Variants in ATP8B2 observed in about 807,000 individuals in gnomAD.
ATP8B2 encodes phospholipid-transporting ATPase ID.
In ATP8B2, 70 loss-of-function variants were observed where a neutral mutation model predicts 133.4. The observed-to-expected ratio is 0.52, with a 90% confidence interval of 0.43 to 0.64. The LOEUF (loss-of-function observed/expected upper bound fraction) is 0.64, where lower values mean the gene tolerates loss of function less well. Among genes scored for constraint, ATP8B2 ranks in the 30% least tolerant of loss-of-function variants. The pLI, the probability that ATP8B2 is intolerant of heterozygous loss-of-function variation, is 0.00. For missense variants in ATP8B2, 1,101 were observed against 1,535.7 expected, an observed-to-expected ratio of 0.72 and a Z score of 4.73; for synonymous variants, 517 against 589.5, an observed-to-expected ratio of 0.88 and a Z score of 1.78.
Position 154,343,399 on chromosome 1 carries a change from G to A in ATP8B2, c.1643-54G>A. 2 of 1,605,364 alleles carry A rather than the reference G, an allele frequency of 1.2e-6. No homozygotes were observed. The highest frequency in any genetic ancestry group is 1.7e-6 in the Non-Finnish European group (2 of 1,173,284). On this transcript the variant is annotated intron_variant, in intron 16 of 27. Transcript: ENST00000368489. This position sits in a 1 kb window ranked among gnomAD's most constrained non-coding sequence, Gnocchi z 5.8. ...TGACTCTTGATGTGTTTATGTTGGGGGTCTTTGCCTGTCTGAATTTTTCTG... is the reference window on the plus strand; with the variant it reads ...TGACTCTTGATGTGTTTATGTTGGGAGTCTTTGCCTGTCTGAATTTTTCTG...
Position 154,334,252 on chromosome 1 carries a change from G to A in ATP8B2, c.735G>A (p.Leu245=). ...VLRNTEWCFG[L]VIFAGPDTKL... The stretch of plus-strand genomic sequence containing the variant: ...GAAACACCGAGTGGTGCTTCGGGCT[G>A]GTCATCTTTGCAGGTGAGCCTCCTA... Residue 245 remains leucine (L), a synonymous_variant, in exon 10 of 28, where the codon CTG becomes CTA. Transcript: ENST00000368489. The surrounding 1 kb of genome is among the most constrained non-coding windows in gnomAD (Gnocchi z 4.6). 1.2e-6 allele frequency: 2 copies of A among 1,614,030 alleles called. No individual in the cohort carries two copies. The highest frequency in any genetic ancestry group is 1.7e-6 in the Non-Finnish European group (2 of 1,179,914).
chr1:154,345,620 C>A lies in ATP8B2; in HGVS notation c.2694+75C>A. ...CAGAGGTTCTGTCTTGTTTATCACTCAGTCCCCCAGGGCCTAGCTATTTTC... is the reference window on the plus strand; with the variant it reads ...CAGAGGTTCTGTCTTGTTTATCACTAAGTCCCCCAGGGCCTAGCTATTTTC... On this transcript the variant is annotated intron_variant, in intron 23 of 27. Transcript: ENST00000368489. This position sits in a 1 kb window ranked among gnomAD's most constrained non-coding sequence, Gnocchi z 5.6. The A allele has an allele frequency of 7.1e-7, 1 of 1,406,062 alleles. No individual in the cohort carries two copies. The highest frequency in any genetic ancestry group is 9.9e-7 in the Non-Finnish European group (1 of 1,010,312). 87.1% of individuals were successfully genotyped at this position (1,406,062 alleles called of 1,614,324 possible).
chr1:154,330,843 A>G lies in ATP8B2; in HGVS notation c.119A>G (p.Asn40Ser). The change falls in exon 4 of 28, where the codon AAT becomes AGT. Residue 40 changes from asparagine to serine, a missense_variant. Asn to Ser is a conservative substitution (Grantham distance 46, BLOSUM62 1). Coordinates refer to ENST00000368489, the MANE Select transcript of ATP8B2 (RefSeq NM_001370597.1). Reference sequence around the variant, plus strand: ...AACTGCATCAAGACCTCCAAGTACAATATTCTCACCTTCCTGCCTGTCAAC... The same window carrying G: ...AACTGCATCAAGACCTCCAAGTACAGTATTCTCACCTTCCTGCCTGTCAAC... ...ASNCIKTSKY[N>S]ILTFLPVNLF... The G allele has an allele frequency of 6.2e-7, 1 of 1,614,068 alleles. No individual in the cohort carries two copies. Among genetic ancestry groups the G allele is most frequent in the South Asian group, 1.1e-5 (1 of 91,076 alleles).
chr1:154,343,876 T>A lies in ATP8B2; in HGVS notation c.1759-17T>A. The A allele has an allele frequency of 6.3e-7, 1 of 1,593,774 alleles. No individual in the cohort carries two copies. Among genetic ancestry groups the A allele is most frequent in the Non-Finnish European group, 8.5e-7 (1 of 1,169,874 alleles). On this transcript the variant is annotated splice_polypyrimidine_tract_variant and intron_variant, in intron 17 of 27. Transcript: ENST00000368489. The surrounding 1 kb of genome is among the most constrained non-coding windows in gnomAD (Gnocchi z 5.8). ...TCTCCAGACTTACCCAGGTGTGCCTTTCCACTCTGCCTCCAGGAGTACGCA... is the reference window on the plus strand; with the variant it reads ...TCTCCAGACTTACCCAGGTGTGCCTATCCACTCTGCCTCCAGGAGTACGCA...
At chr1:154,338,312 G>T (rs1198158549) in intron 12 of ATP8B2, among the ~76,000 whole-genome samples, 1 of 152,126 alleles carries the variant, frequency 6.6e-6, no homozygotes, top group Middle Eastern at 3.2e-3. Context: ...GCTTGCTCCT[G>T]ATTGTGGAGG....
chr1:154,345,003 G>A lies in ATP8B2; in HGVS notation c.2319G>A (p.Glu773=). The A allele has an allele frequency of 6.2e-7, 1 of 1,614,120 alleles. No homozygotes were observed. The highest frequency in any genetic ancestry group is 8.5e-7 in the Non-Finnish European group (1 of 1,179,990). The change falls in exon 22 of 28, where the codon GAG becomes GAA. Residue 773 remains glutamate, a synonymous_variant. Transcript: ENST00000368489. The surrounding 1 kb of genome is among the most constrained non-coding windows in gnomAD (Gnocchi z 5.6). ...CACTGGAGGCAGACATGGAGCTGGA[G>A]TTTCTGGAGACAGCGTGTGCCTGCA... ...AHALEADMEL[E]FLETACACKA...
intron 8 of ATP8B2, among the ~76,000 whole-genome samples, 188 bp from the exon 9 acceptor site, chr1:154,332,430 T>C (rs1370965587): frequency 6.6e-6 from 1 of 152,180 alleles, no homozygotes; most frequent in African/African-American, 2.4e-5. Flanking sequence ...GTGGTTTTAA[T>C]GCCTATAATC....
chr1:154,331,642 T>G lies in ATP8B2; in HGVS notation c.402T>G (p.Gly134=). 6.2e-7 allele frequency: 1 copy of G among 1,614,184 alleles called. No individual in the cohort carries two copies. The highest frequency in any genetic ancestry group is 2.2e-5 in the East Asian group (1 of 44,884). Residue 134 remains glycine (G), a synonymous_variant, in exon 7 of 28, where the codon GGT becomes GGG. Transcript: ENST00000368489. This position sits in a 1 kb window ranked among gnomAD's most constrained non-coding sequence, Gnocchi z 4.8. ...AGCAGTGGATGAATGTCTGTGTTGG[T>G]GATATTATCAAGCTAGAAAATAACC... is the stretch of plus-strand genomic sequence containing the variant. ...QQEQWMNVCV[G]DIIKLENNQF...
In ATP8B2 at chr1:154,343,886, C is replaced by T; in HGVS notation, c.1759-7C>T. On this transcript the variant is annotated splice_region_variant and splice_polypyrimidine_tract_variant and intron_variant, in intron 17 of 27. Coordinates refer to ENST00000368489, the MANE Select transcript of ATP8B2 (RefSeq NM_001370597.1). This position sits in a 1 kb window ranked among gnomAD's most constrained non-coding sequence, Gnocchi z 5.8. ...TACCCAGGTGTGCCTTTCCACTCTGCCTCCAGGAGTACGCAGGGGAAGGGC... is the reference window on the plus strand; with the variant it reads ...TACCCAGGTGTGCCTTTCCACTCTGTCTCCAGGAGTACGCAGGGGAAGGGC... The T allele has an allele frequency of 3.1e-6, 5 of 1,601,192 alleles. No individual in the cohort carries two copies. Among genetic ancestry groups the T allele is most frequent in the Non-Finnish European group, 4.3e-6 (5 of 1,173,668 alleles).
rs866091584 is a variant in ATP8B2 at position 154,346,750 on chromosome 1, G to A, written c.3155G>A (p.Arg1052Gln). 3.1e-6 allele frequency: 5 copies of A among 1,614,130 alleles called. No individual in the cohort carries two copies. The highest frequency in any genetic ancestry group is 1.3e-5 in the African/African-American group (1 of 75,030). Residue 1052 changes from arginine to glutamine, a missense_variant, in exon 26 of 28, where the codon CGG (arginine) becomes CAG (glutamine). Arg to Gln is a conservative substitution (Grantham distance 43). Transcript: ENST00000368489. This position sits in a 1 kb window ranked among gnomAD's most constrained non-coding sequence, Gnocchi z 4.5. ...GLFDMFPNQF[R>Q]FVGNAQNTLA... Reference sequence around the variant, plus strand: ...TTCGACATGTTTCCCAACCAGTTCCGGTTTGTGGGTAAGTCCCCGTGGCCT... The same window carrying A: ...TTCGACATGTTTCCCAACCAGTTCCAGTTTGTGGGTAAGTCCCCGTGGCCT...
Position 154,337,044 on chromosome 1 carries a change from C to T in ATP8B2, c.838-304C>T, listed in dbSNP as rs528830060. 2.1e-3 allele frequency among the ~76,000 whole-genome samples: 317 copies of T among 152,016 alleles called. 3 individuals carry two copies. The South Asian group carries it at 0.021, about 10-fold the overall frequency. On this transcript the variant is annotated intron_variant, in intron 11 of 27. Transcript: ENST00000368489. ...AACTCCTGACCTCAGGTGATCCATCCGCCTCAACCTCCCAAAATGCTGGGA... is the reference window on the plus strand; with the variant it reads ...AACTCCTGACCTCAGGTGATCCATCTGCCTCAACCTCCCAAAATGCTGGGA...
At position 154,346,993 on chromosome 1, in the gene ATP8B2, G is replaced by A. The variant is rs959170157; in HGVS notation, c.3163+235G>A. 6.6e-6 allele frequency among the ~76,000 whole-genome samples: 1 copy of A among 152,112 alleles called. No individual in the cohort carries two copies. The highest frequency in any genetic ancestry group is 1.5e-5 in the Non-Finnish European group (1 of 68,028). ...CAGCCTCTGCCTCCCGGGTTCAAGC[G>A]ATTCTCATGCCTCAGCCTCCTGAGT... On this transcript the variant is annotated intron_variant, in intron 26 of 27. Transcript: ENST00000368489. This position sits in a 1 kb window ranked among gnomAD's most constrained non-coding sequence, Gnocchi z 4.5.
In ATP8B2 at chr1:154,349,049, C is replaced by T; in HGVS notation, c.3504C>T (p.Ser1168=). The T allele has an allele frequency of 6.2e-7, 1 of 1,614,246 alleles. No individual in the cohort carries two copies. The highest frequency in any genetic ancestry group is 1.7e-5 in the Admixed American group (1 of 60,032). ...GCTCCAGCTCCAGCTGGATTGAGAG[C>T]CTGCGCAGGAAGAAGAGTGACAGTG... ...TTRSSSSWIE[S]LRRKKSDSAS... The change falls in exon 28 of 28, where the codon AGC becomes AGT. Residue 1168 remains serine (S), a synonymous_variant. Transcript: ENST00000368489.
In ATP8B2 at chr1:154,349,123, C is replaced by A; in HGVS notation, c.*5C>A. ...GACAAGCCCCTCAAGGGCTGAAGGC[C>A]GAGGATGGATGCCCTGTGCCAGTGA... On this transcript the variant is annotated 3_prime_UTR_variant, in exon 28 of 28. Transcript: ENST00000368489. 6.2e-7 allele frequency: 1 copy of A among 1,611,132 alleles called. No homozygotes were observed. Among genetic ancestry groups the A allele is most frequent in the South Asian group, 1.1e-5 (1 of 90,920 alleles).
Position 154,342,786 on chromosome 1 carries a change from T to C in ATP8B2, c.1288-10T>C, listed in dbSNP as rs377003802. 5.8e-5 allele frequency: 94 copies of C among 1,613,622 alleles called. No homozygotes were observed. The African/African-American group carries it at 1.1e-3, about 19-fold the overall frequency. On this transcript the variant is annotated splice_polypyrimidine_tract_variant and intron_variant, in intron 14 of 27. Coordinates refer to ENST00000368489, the MANE Select transcript of ATP8B2 (RefSeq NM_001370597.1). ...CTAGCCTTTCCTAAGAGCCTTCTTA[T>C]GTGTTTCAGAGGCCTGAACCTGTTG...
At chr1:154,326,086 G>A (rs1285271015) in intron 1 of ATP8B2, among the ~76,000 whole-genome samples, 2 of 152,170 alleles carry the variant, frequency 1.3e-5, no homozygotes, top group Non-Finnish European at 2.9e-5. Context: ...GGTGCCTGGA[G>A]AAGGGAGTTT....
Position 154,342,426 on chromosome 1 carries a change from T to C in ATP8B2, c.1244-54T>C, listed in dbSNP as rs572267065. On this transcript the variant is annotated intron_variant, in intron 13 of 27. Transcript: ENST00000368489. The stretch of plus-strand genomic sequence containing the variant: ...CTGCATTGGAGATGTTTTTCCATGC[T>C]CTGGAGCTCTCTGGCTCTGACATTG... 4.5e-6 allele frequency: 7 copies of C among 1,570,748 alleles called. No individual in the cohort carries two copies. In the Admixed American group the frequency reaches 8.3e-5, roughly 19 times the overall value.
Position 154,340,828 on chromosome 1 carries a change from A to T in ATP8B2, c.1035-26A>T, listed in dbSNP as rs776395553. 3 of 1,611,484 alleles carry T rather than the reference A, an allele frequency of 1.9e-6. No homozygotes were observed. The South Asian group carries it at 3.3e-5, about 18-fold the overall frequency. On this transcript the variant is annotated intron_variant, in intron 12 of 27. Coordinates refer to ENST00000368489, the MANE Select transcript of ATP8B2 (RefSeq NM_001370597.1). The surrounding 1 kb of genome is among the most constrained non-coding windows in gnomAD (Gnocchi z 4.0). ...GGCACCTCCTCTTCTTCCCGACCCA[A>T]GCCTCACCTCTTGTCCCCTGTGCAG...
In ATP8B2 at chr1:154,346,765, C is replaced by G; in HGVS notation, c.3163+7C>G. 6.2e-7 allele frequency: 1 copy of G among 1,613,874 alleles called. No homozygotes were observed. The highest frequency in any genetic ancestry group is 1.7e-5 in the Admixed American group (1 of 60,002). On this transcript the variant is annotated splice_region_variant and intron_variant, in intron 26 of 27. Coordinates refer to ENST00000368489, the MANE Select transcript of ATP8B2 (RefSeq NM_001370597.1). The surrounding 1 kb of genome is among the most constrained non-coding windows in gnomAD (Gnocchi z 4.5). ...AACCAGTTCCGGTTTGTGGGTAAGTCCCCGTGGCCTCCTTGAATCGGTGAG... is the reference window on the plus strand; with the variant it reads ...AACCAGTTCCGGTTTGTGGGTAAGTGCCCGTGGCCTCCTTGAATCGGTGAG...
Sources: gnomAD v4.1 joint callset for allele counts (sites outside exome capture counted in the v4.1 genomes callset) on GRCh38, gnomAD v4.1.1 for gene constraint, Gnocchi (gnomAD v3.1) non-coding constraint, MANE v1.5 for transcripts, NCBI Gene and HGNC (gene_info 2026-07-23, HGNC 2026-07-21) for gene names.